ALAS1: variants seen among roughly 807,000 people sequenced by gnomAD.
ALAS1 encodes the protein 5'-aminolevulinate synthase 1, also known as 5-aminolevulinate synthase, non-specific, mitochondrial.
ALAS1 carries 29 observed loss-of-function variants against 59.6 expected under a neutral mutation model. The ratio of observed to expected loss-of-function variants is 0.49; its 90% CI spans 0.36 to 0.66. The LOEUF is 0.66. Among genes scored for constraint, ALAS1 ranks in the 30% least tolerant of loss-of-function variants. The pLI is 0.00. For synonymous variants in ALAS1, 299 were observed against 296.6 expected (o/e 1.01, Z -0.08); for missense variants, 690 against 807.5 (o/e 0.85, Z 1.76).
At position 52,212,329 on chromosome 3, in the gene ALAS1, A is replaced by C. The variant is rs889132871; in HGVS notation, c.1671A>C (p.Ala557=). ...LMSRHNIYVQ[A]INYPTVPRGE... is the part of the protein sequence containing the mutation. ...GCAGACATAACATCTACGTGCAAGC[A>C]ATCAATTACCCTACGGTGCCCCGGG... is the stretch of plus-strand genomic sequence containing the variant. The change falls in exon 11 of 12, where the codon GCA becomes GCC. Residue 557 remains alanine (A), a synonymous_variant. Coordinates refer to ENST00000484952, the MANE Select transcript of ALAS1 (RefSeq NM_000688.6). The C allele has an allele frequency of 6.2e-7, 1 of 1,614,070 alleles. No individual in the cohort carries two copies. The highest frequency in any genetic ancestry group is 1.3e-5 in the African/African-American group (1 of 74,930).
chr3:52,200,963 C>T (rs1699175409), intron 3 of ALAS1, among the ~76,000 whole-genome samples: 2 of 151,972 alleles, frequency 1.3e-5, no homozygotes, highest in Admixed American at 6.6e-5. Context: ...TACCAAAATG[C>T]TTGCAATGGC....
chr3:52,201,357 CT>C (rs1175249187), intron 3 of ALAS1, among the ~76,000 whole-genome samples: 1 of 152,182 alleles, frequency 6.6e-6, no homozygotes, highest in Non-Finnish European at 1.5e-5. Context: ...TATTAGCAAT[CT>C]AAAGACCTAA....
At chr3:52,206,181 A>C (rs966430105) in intron 7 of ALAS1, among the ~76,000 whole-genome samples, 158 bp downstream of exon 7, 1 of 152,224 alleles carries the variant, frequency 6.6e-6, no homozygotes, top group Admixed American at 6.5e-5. Context: ...CTGACTGTAC[A>C]TTATGGGTTC....
chr3:52,205,063 A>G (rs1699265788), intron 6 of ALAS1, 148 bp downstream of exon 6: 2 of 711,820 alleles, frequency 2.8e-6, no homozygotes, highest in Non-Finnish European at 4.6e-6. Flanking sequence ...AAAAATATCT[A>G]CAGATTACTT....
Position 52,199,357 on chromosome 3 carries a change from T to C in ALAS1, c.116T>C (p.Val39Ala), listed in dbSNP as rs139865127. 59 of 1,614,092 alleles carry C rather than the reference T, an allele frequency of 3.7e-5. No homozygotes were observed. Among genetic ancestry groups the C allele is most frequent in the African/African-American group, 1.3e-4 (10 of 74,934 alleles). The stretch of plus-strand genomic sequence containing the variant: ...CAAAACTGCCCCAAGATGATGGAAG[T>C]TGGGGCCAAGCCAGCCCCTCGGGCA... ...YAQNCPKMME[V>A]GAKPAPRALS... Residue 39 changes from valine (V) to alanine (A), a missense_variant, in exon 3 of 12, where the codon GTT (valine) becomes GCT (alanine). Transcript: ENST00000484952.
At chr3:52,207,470 A>G (rs573632345) in intron 8 of ALAS1, among the ~76,000 whole-genome samples, 2 of 151,358 alleles carry the variant, frequency 1.3e-5, no homozygotes, top group Admixed American at 6.6e-5. Context: ...CCTTTCTGCC[A>G]GGATTTTTTT....
chr3:52,204,066 A>G (rs1237656407), intron 5 of ALAS1, 54 bp downstream of exon 5: 14 of 1,533,994 alleles, frequency 9.1e-6, no homozygotes, highest in Non-Finnish European at 1.2e-5. Context: ...ATTCAAATGT[A>G]CATTAGATTA....
chr3:52,200,070 C>T (rs1699157337), intron 3 of ALAS1, among the ~76,000 whole-genome samples: 1 of 152,252 alleles, frequency 6.6e-6, no homozygotes, highest in African/African-American at 2.4e-5. Flanking sequence ...CCTGCCTCAG[C>T]CTCCCAGAGT....
intron 6 of ALAS1, 58 bp from the exon 7 acceptor site, chr3:52,205,781 C>A: frequency 6.7e-7 from 1 of 1,498,440 alleles, no homozygotes; most frequent in Non-Finnish European, 9.0e-7. Context: ...GGAAAAAATT[C>A]ACATGGTGTT....
chr3:52,211,206 G>A (rs1375872235), intron 9 of ALAS1, 77 bp from the exon 10 acceptor site: 5 of 1,523,600 alleles, frequency 3.3e-6, no homozygotes, highest in Non-Finnish European at 3.6e-6. Flanking sequence ...GTGCTTTGAG[G>A]CTCCACAACA....
chr3:52,214,123 TGAAA>T lies in ALAS1; in HGVS notation c.1869_1872del (p.Glu625SerfsTer7), dbSNP rs1428763052. 2 of 1,613,782 alleles carry T rather than the reference TGAAA, an allele frequency of 1.2e-6. No individual in the cohort carries two copies. Among genetic ancestry groups the T allele is most frequent in the East Asian group, 2.2e-5 (1 of 44,882 alleles). On this transcript the variant is annotated frameshift_variant, in exon 12 of 12. Coordinates refer to ENST00000484952, the MANE Select transcript of ALAS1 (RefSeq NM_000688.6). LOFTEE classifies it high-confidence loss of function. ...GGCCACTGCATTTTGAAGTGATGAGTGAAAGAGAGAAGTCCTATTTCTCAGGCTT... is the reference window on the plus strand; with the variant it reads ...GGCCACTGCATTTTGAAGTGATGAGTGAGAGAAGTCCTATTTCTCAGGCTT...
intron 3 of ALAS1, among the ~76,000 whole-genome samples, chr3:52,201,488 A>C (rs1264204947): frequency 6.6e-6 from 1 of 152,240 alleles, no homozygotes; most frequent in East Asian, 1.9e-4. Flanking sequence ...GTGGTGGCTC[A>C]TGCCTGTAAT....
chr3:52,208,334 A>G, intron 9 of ALAS1, 87 bp downstream of exon 9: 1 of 1,462,692 alleles, frequency 6.8e-7, no homozygotes, highest in Non-Finnish European at 9.4e-7. Context: ...TCAGGTGAGG[A>G]GACAGCCTGA....
In ALAS1 at chr3:52,204,815, G is replaced by T. The variant is rs749744738; in HGVS notation, c.700G>T (p.Asp234Tyr). The T allele has an allele frequency of 6.2e-7, 1 of 1,614,204 alleles. No individual in the cohort carries two copies. The highest frequency in any genetic ancestry group is 1.1e-5 in the South Asian group (1 of 91,090). Residue 234 changes from aspartate (D) to tyrosine (Y), a missense_variant, in exon 6 of 12, where the codon GAC becomes TAC. Transcript: ENST00000484952. ...RRAHIFPMAD[D>Y]YSDSLITKKQ... Reference sequence around the variant, plus strand: ...AGCACACATCTTCCCCATGGCAGATGACTATTCAGACTCCCTCATCACCAA... The same window carrying T: ...AGCACACATCTTCCCCATGGCAGATTACTATTCAGACTCCCTCATCACCAA...
At chr3:52,210,397 C>T (rs554289782) in intron 9 of ALAS1, among the ~76,000 whole-genome samples, 7 of 152,310 alleles carry the variant, frequency 4.6e-5, no homozygotes, top group Admixed American at 3.9e-4. Flanking sequence ...GGAAGACCTG[C>T]ATTTTGATCC....
Position 52,214,104 on chromosome 3 carries a change from T to C in ALAS1, c.1847T>C (p.Leu616Pro), listed in dbSNP as rs1390632390. 6.2e-7 allele frequency: 1 copy of C among 1,613,870 alleles called. No individual in the cohort carries two copies. The highest frequency in any genetic ancestry group is 8.5e-7 in the Non-Finnish European group (1 of 1,179,858). ...SAECNFCRRP[L>P]HFEVMSEREK... ...GAGTGCAACTTCTGCAGGAGGCCAC[T>C]GCATTTTGAAGTGATGAGTGAAAGA... Residue 616 changes from leucine (L) to proline (P), a missense_variant, in exon 12 of 12, where the codon CTG becomes CCG. By Grantham distance (98) the Leu-to-Pro change is moderately conservative. Coordinates refer to ENST00000484952, the MANE Select transcript of ALAS1 (RefSeq NM_000688.6).
chr3:52,208,055 T>C, intron 8 of ALAS1, 28 bp from the exon 9 acceptor site: 1 of 1,506,528 alleles, frequency 6.6e-7, no homozygotes. Context: ...GCAAAAGCTC[T>C]TCAGAGCAGT....
chr3:52,199,860 C>T (rs1194465749), intron 3 of ALAS1, among the ~76,000 whole-genome samples: 8 of 152,248 alleles, frequency 5.3e-5, no homozygotes, highest in South Asian at 2.1e-4. Flanking sequence ...CTTGCTCTGT[C>T]GCCCAGGTTG....
intron 6 of ALAS1, among the ~76,000 whole-genome samples, 177 bp from the exon 7 acceptor site, chr3:52,205,662 C>T (rs986977649): frequency 9.2e-5 from 14 of 152,148 alleles, no homozygotes; most frequent in Non-Finnish European, 2.9e-5. Context: ...GCATTGACAC[C>T]TTCTCCCACC....
Sources: gnomAD v4.1 joint callset for allele counts (sites outside exome capture counted in the v4.1 genomes callset) on GRCh38, gnomAD v4.1.1 for gene constraint, MANE v1.5 for transcripts, NCBI Gene and HGNC (gene_info 2026-07-23, HGNC 2026-07-21) for gene names.